GNAL: variants seen among roughly 807,000 people sequenced by gnomAD.
GNAL encodes G protein subunit alpha L.
Under a neutral mutation model 55.1 loss-of-function variants are expected in GNAL, and 18 were observed. The observed-to-expected ratio is 0.33, with a 90% confidence interval of 0.23 to 0.48. GNAL has a LOEUF of 0.48. GNAL is among the 20% of genes least tolerant of loss of function. GNAL has a pLI of 0.99. For missense variants in GNAL, 412 were observed against 614.1 expected, an observed-to-expected ratio of 0.67 and a Z score of 3.48; for synonymous variants, 253 against 237.0, an observed-to-expected ratio of 1.07 and a Z score of -0.62.
intron 1 of GNAL, among the ~76,000 whole-genome samples, chr18:11,706,441 G>A (rs1484117157): frequency 2.6e-5 from 4 of 152,194 alleles, no homozygotes; most frequent in Admixed American, 2.6e-4. Flanking sequence ...ATCTGTGGCT[G>A]CTGACTGATC....
At position 11,751,354 on chromosome 18, in the gene GNAL, G is replaced by T; in HGVS notation, c.377-1499G>T. The T allele has an allele frequency of 4.1e-6, 1 of 245,858 alleles. No homozygotes were observed. Among genetic ancestry groups the T allele is most frequent in the Non-Finnish European group, 6.5e-6 (1 of 153,840 alleles). 15.2% of individuals were successfully genotyped at this position (245,858 alleles called of 1,614,324 possible). Reference sequence around the variant, plus strand: ...GTTCCTCTGCTACAACGCCAAGTTCGAGGCCACAGTGCCTTCTGGAAGAGT... The same window carrying T: ...GTTCCTCTGCTACAACGCCAAGTTCTAGGCCACAGTGCCTTCTGGAAGAGT... On this transcript the variant is annotated intron_variant, in intron 1 of 11. Transcript: ENST00000334049. The surrounding 1 kb of genome is among the most constrained non-coding windows in gnomAD (Gnocchi z 4.5).
intron 5 of GNAL, among the ~76,000 whole-genome samples, chr18:11,835,413 G>A (rs760989950): frequency 4.0e-5 from 6 of 151,578 alleles, no homozygotes; most frequent in Non-Finnish European, 8.8e-5. Flanking sequence ...GTTCACTCGA[G>A]CCTAGGAGTT....
intron 4 of GNAL, among the ~76,000 whole-genome samples, chr18:11,757,815 C>T (rs2033109041): frequency 1.3e-5 from 2 of 152,066 alleles, no homozygotes; most frequent in Non-Finnish European, 2.9e-5. Flanking sequence ...CAGCGGTGGG[C>T]AGTGCTGACC....
At chr18:11,851,315 G>A in intron 5 of GNAL, 1 of 618,572 alleles carries the variant, frequency 1.6e-6, no homozygotes, top group East Asian at 3.0e-5. Flanking sequence ...CGTCCCACAG[G>A]CCCCACCCCG....
intron 10 of GNAL, among the ~76,000 whole-genome samples, chr18:11,875,875 G>A (rs1341859273): frequency 5.3e-5 from 8 of 152,186 alleles, no homozygotes; most frequent in East Asian, 1.9e-4. Flanking sequence ...TTAAGACACC[G>A]GCCGATTCAG....
chr18:11,823,727 C>G (rs1227105011), intron 4 of GNAL, among the ~76,000 whole-genome samples: 1 of 152,126 alleles, frequency 6.6e-6, no homozygotes, highest in Non-Finnish European at 1.5e-5. Flanking sequence ...AAGGAGGAGT[C>G]GCTGGGACAG....
intron 5 of GNAL, among the ~76,000 whole-genome samples, chr18:11,834,370 T>C (rs1418641683): frequency 6.6e-6 from 1 of 152,154 alleles, no homozygotes; most frequent in Non-Finnish European, 1.5e-5. Flanking sequence ...TGCCTTGTAA[T>C]TACAAGAAAC....
chr18:11,744,287 G>A (rs947265728), intron 1 of GNAL, among the ~76,000 whole-genome samples: 8 of 151,924 alleles, frequency 5.3e-5, no homozygotes, highest in South Asian at 2.1e-4. Context: ...TGGTTATAGG[G>A]GTAAGAAAAA....
intron 5 of GNAL, among the ~76,000 whole-genome samples, chr18:11,858,588 T>C (rs1329555457): frequency 6.6e-6 from 1 of 152,216 alleles, no homozygotes; most frequent in East Asian, 1.9e-4. Flanking sequence ...CTTGGAAATA[T>C]GCCAGTTGAA....
At chr18:11,771,327 T>C (rs57940204) in intron 4 of GNAL, among the ~76,000 whole-genome samples, 28,080 of 152,062 alleles carry the variant, frequency 0.18, 2,728 homozygotes, top group East Asian at 0.32. Context: ...TCATAACTTA[T>C]TGGAAGTTAA....
intron 4 of GNAL, among the ~76,000 whole-genome samples, chr18:11,774,597 C>G (rs2033726776): frequency 6.6e-6 from 1 of 152,112 alleles, no homozygotes; most frequent in South Asian, 2.1e-4. Flanking sequence ...AATGGTGGCT[C>G]ATTTCATATG....
At chr18:11,808,103 T>G (rs73946349) in intron 4 of GNAL, among the ~76,000 whole-genome samples, 1,721 of 151,780 alleles carry the variant, frequency 0.011, 29 homozygotes, top group African/African-American at 0.037. Context: ...AGGACCATGA[T>G]AAATATTTGC....
At chr18:11,857,503 A>C in intron 5 of GNAL, 1 of 985,548 alleles carries the variant, frequency 1.0e-6, no homozygotes, top group Non-Finnish European at 1.2e-6. Context: ...AAAAGTGTGG[A>C]CTTTACCCCA....
In GNAL at chr18:11,788,897, G is replaced by GAAAAAAAAAAA. The variant is rs1162398867; in HGVS notation, c.624+34960_624+34970dup. Among the ~76,000 whole-genome samples the GAAAAAAAAAAA allele has an allele frequency of 2.3e-3, 189 of 82,482 alleles. 2 individuals are homozygous for GAAAAAAAAAAA. Among genetic ancestry groups the GAAAAAAAAAAA allele is most frequent in the African/African-American group, 3.1e-3 (41 of 13,322 alleles). 54.1% of individuals were successfully genotyped at this position (82,482 alleles called of 152,430 possible). A position where few individuals can be genotyped will look rare whatever the true frequency, so the allele number is the denominator to read the frequency against. ...AGGAGACAGAGCAAGACTCCGTCTC[G>GAAAAAAAAAAA]AAAAAAAAAAAAAAAAAATATATAT... On this transcript the variant is annotated intron_variant, in intron 4 of 11. Transcript: ENST00000334049.
intron 1 of GNAL, among the ~76,000 whole-genome samples, chr18:11,696,712 A>T (rs2031425180): frequency 1.3e-5 from 2 of 152,198 alleles, no homozygotes; most frequent in South Asian, 4.1e-4. Context: ...ACTTGGCAAA[A>T]GACCAGAAGT....
intron 1 of GNAL, among the ~76,000 whole-genome samples, chr18:11,693,301 T>C (rs1339197217): frequency 6.6e-6 from 1 of 152,208 alleles, no homozygotes; most frequent in African/African-American, 2.4e-5. Context: ...TTGAAAGTAC[T>C]CTTTGAAGAC....
At chr18:11,873,023 G>A (rs567699057) in intron 10 of GNAL, among the ~76,000 whole-genome samples, 11 of 152,312 alleles carry the variant, frequency 7.2e-5, no homozygotes, top group South Asian at 6.2e-4. Flanking sequence ...GCACGGGACC[G>A]TCAGTGCTAA....
intron 5 of GNAL, among the ~76,000 whole-genome samples, chr18:11,837,616 A>G (rs904253401): frequency 6.6e-6 from 1 of 152,180 alleles, no homozygotes; most frequent in African/African-American, 2.4e-5. Flanking sequence ...CAGATAAAAC[A>G]AGTGTTGCTG....
chr18:11,703,065 C>T (rs1158096687), intron 1 of GNAL, among the ~76,000 whole-genome samples: 1 of 152,176 alleles, frequency 6.6e-6, no homozygotes, highest in Non-Finnish European at 1.5e-5. Context: ...TTGCAGTGAG[C>T]AGAGATTGCG....
Sources: allele counts gnomAD v4.1 joint callset (sites outside exome capture counted in the v4.1 genomes callset), GRCh38; gene constraint gnomAD v4.1.1; non-coding constraint Gnocchi (gnomAD v3.1); transcripts MANE v1.5; gene names NCBI Gene and HGNC (gene_info 2026-07-23, HGNC 2026-07-21).